EBF1: variants seen among roughly 807,000 people sequenced by gnomAD.
EBF1 encodes the protein transcription factor COE1.
EBF1 carries 10 observed loss-of-function variants against 68.4 expected under a neutral mutation model. The observed-to-expected ratio is 0.15, with a 90% CI of 0.09 to 0.25. The LOEUF (loss-of-function observed/expected upper bound fraction) is 0.25. Ranked by LOEUF, EBF1 falls within the 10% of genes least tolerant of loss-of-function variation. The pLI, the probability that EBF1 is intolerant of heterozygous loss-of-function variation, is 1.00. For missense variants in EBF1, 509 were observed against 794.4 expected (o/e 0.64, Z 4.32); for synonymous variants, 298 against 299.8 (o/e 0.99, Z 0.06).
At chr5:158,989,587 T>G (rs2127604293) in intron 6 of EBF1, among the ~76,000 whole-genome samples, 1 of 152,194 alleles carries the variant, frequency 6.6e-6, no homozygotes, top group Admixed American at 6.5e-5. Flanking sequence ...ACTAAAGCCT[T>G]CCTCTGTTTG....
intron 7 of EBF1, among the ~76,000 whole-genome samples, chr5:158,830,347 A>T (rs10067225): frequency 0.6 from 90,444 of 151,786 alleles, 27,111 homozygotes; most frequent in South Asian, 0.7. Context: ...CTCGGCTCAC[A>T]GCAACCTCTG....
intron 5 of EBF1, among the ~76,000 whole-genome samples, chr5:159,081,149 T>C (rs1251879778): frequency 1.3e-5 from 2 of 152,076 alleles, no homozygotes; most frequent in Admixed American, 1.3e-4. Flanking sequence ...GGCTAATTTT[T>C]CTTTCAGTTT....
At chr5:158,705,267 C>A (rs1327169781) in intron 15 of EBF1, among the ~76,000 whole-genome samples, 1 of 152,218 alleles carries the variant, frequency 6.6e-6, no homozygotes, top group Admixed American at 6.5e-5. Flanking sequence ...AGGTGTGAAC[C>A]ACCACGCCCA....
In EBF1 at chr5:158,712,951, A is replaced by G; in HGVS notation, c.1369+19T>C. ...GGGTGCTTAAGGTTGGGGAGGGAAGAGAAAAGCAAGCTTCTGACCCTGATT... is the reference window on the plus strand; with the variant it reads ...GGGTGCTTAAGGTTGGGGAGGGAAGGGAAAAGCAAGCTTCTGACCCTGATT... On this transcript the variant is annotated intron_variant, in intron 13 of 15. Coordinates refer to ENST00000313708, the MANE Select transcript of EBF1 (RefSeq NM_024007.5). 1 of 1,416,660 alleles carries G rather than the reference A, an allele frequency of 7.1e-7. No individual in the cohort carries two copies. Among genetic ancestry groups the G allele is most frequent in the Non-Finnish European group, 9.3e-7 (1 of 1,075,132 alleles). The allele number at this position is 1,416,660 out of a possible 1,614,324, so 87.8% of individuals were successfully genotyped here. A position where few individuals can be genotyped will look rare whatever the true frequency, so the allele number is the denominator to read the frequency against.
intron 7 of EBF1, among the ~76,000 whole-genome samples, chr5:158,827,943 G>A (rs767345136): frequency 1.3e-5 from 2 of 152,062 alleles, no homozygotes; most frequent in Admixed American, 6.5e-5. Context: ...TCTTCCTCAC[G>A]TTAATTTTGA....
intron 6 of EBF1, among the ~76,000 whole-genome samples, chr5:158,885,745 C>A (rs1185987883): frequency 6.6e-6 from 1 of 152,164 alleles, no homozygotes; most frequent in Non-Finnish European, 1.5e-5. Flanking sequence ...TAAATGTCAT[C>A]CTACCAAGTG....
At chr5:159,078,487 T>TG (rs1779189759) in intron 5 of EBF1, among the ~76,000 whole-genome samples, 1 of 152,344 alleles carries the variant, frequency 6.6e-6, no homozygotes, top group East Asian at 1.9e-4. Flanking sequence ...GTGTGACTGA[T>TG]GGACCTTCAT....
chr5:159,095,744 T>A, intron 3 of EBF1, 69 bp from the exon 4 acceptor site: 4 of 1,526,048 alleles, frequency 2.6e-6, no homozygotes, highest in Non-Finnish European at 2.7e-6. Flanking sequence ...GGACAATAAT[T>A]AACAACAACA....
intron 6 of EBF1, among the ~76,000 whole-genome samples, chr5:158,847,749 C>T (rs1278310016): frequency 6.6e-6 from 1 of 152,178 alleles, no homozygotes; most frequent in Non-Finnish European, 1.5e-5. Flanking sequence ...GTCCGTCTGT[C>T]CTTCTTGGAA....
chr5:159,060,093 G>T (rs1162968282), intron 6 of EBF1, among the ~76,000 whole-genome samples: 3 of 152,042 alleles, frequency 2.0e-5, no homozygotes, highest in Admixed American at 2.0e-4. Context: ...TAGAATTACA[G>T]TTTGAACTAG....
At chr5:158,980,659 T>C (rs1218718101) in intron 6 of EBF1, among the ~76,000 whole-genome samples, 1 of 152,230 alleles carries the variant, frequency 6.6e-6, no homozygotes, top group Non-Finnish European at 1.5e-5. Flanking sequence ...AAAGGAAGAA[T>C]GGAGAGAAAA....
intron 6 of EBF1, among the ~76,000 whole-genome samples, chr5:158,909,908 G>A (rs1316458639): frequency 4.0e-5 from 5 of 126,202 alleles, no homozygotes; most frequent in East Asian, 2.9e-4. Flanking sequence ...AGTGAGCCGA[G>A]ATTGCACCAC....
intron 6 of EBF1, chr5:158,985,821 C>T: frequency 6.6e-6 from 1 of 152,280 alleles, no homozygotes; most frequent in Non-Finnish European, 1.5e-5. Context: ...AGTCCAGCTT[C>T]CTAACTCCTA....
rs910002266 is a variant in EBF1, at chr5:158,905,627, G to T, written c.555-65517C>A. On this transcript the variant is annotated intron_variant, in intron 6 of 15. Transcript: ENST00000313708. ...AGCCAAATGTTTTGGTACTAATTTG[G>T]TTCATGAAGTATGTAATTCAGTTCC... Among the ~76,000 whole-genome samples, 91 of 152,206 alleles carry T rather than the reference G, an allele frequency of 6.0e-4. 1 individual carries two copies. Among genetic ancestry groups the T allele is most frequent in the African/African-American group, 2.1e-3 (87 of 41,526 alleles).
intron 6 of EBF1, among the ~76,000 whole-genome samples, chr5:158,986,184 C>G (rs1303430118): frequency 7.2e-5 from 11 of 152,248 alleles, no homozygotes. Flanking sequence ...CTGTCCTTCT[C>G]TCTCTGGTTT....
intron 10 of EBF1, among the ~76,000 whole-genome samples, chr5:158,762,862 T>C (rs75640791): frequency 3.5e-4 from 54 of 152,188 alleles, no homozygotes; most frequent in African/African-American, 1.3e-3. Context: ...GGATATGCCA[T>C]GGAAAAATTG....
intron 10 of EBF1, among the ~76,000 whole-genome samples, chr5:158,759,816 C>T (rs1314930543): frequency 6.6e-6 from 1 of 151,972 alleles, no homozygotes; most frequent in African/African-American, 2.4e-5. Context: ...GTCTTGGGGG[C>T]AAGAACCTCA....
rs1581559501 is a variant in EBF1, at chr5:158,748,873, A to G, written c.1037-17716T>C. Among the ~76,000 whole-genome samples the G allele has an allele frequency of 5.9e-5, 9 of 152,308 alleles. 3 individuals are homozygous for G. The highest frequency in any genetic ancestry group is 5.9e-4 in the Admixed American group (9 of 15,294). ...GAGGCTTGTAAATAGAGCCTGGCAG[A>G]TGTAAAAGGATGGTATAATGATCAA... On this transcript the variant is annotated intron_variant, in intron 10 of 15. Transcript: ENST00000313708.
intron 6 of EBF1, among the ~76,000 whole-genome samples, chr5:158,851,104 G>A (rs918576105): frequency 6.6e-5 from 10 of 151,844 alleles, no homozygotes; most frequent in Non-Finnish European, 1.3e-4. Flanking sequence ...TTCCTAGCCA[G>A]ACATGATGGC....
Sources: gnomAD v4.1 joint callset for allele counts (sites outside exome capture counted in the v4.1 genomes callset) on GRCh38, gnomAD v4.1.1 for gene constraint, MANE v1.5 for transcripts, NCBI Gene and HGNC (gene_info 2026-07-23, HGNC 2026-07-21) for gene names.